The following TBL1XR1 variants were observed in gnomAD, a reference collection of about 807,000 sequenced individuals.
TBL1XR1 encodes TBL1X/Y related 1.
A neutral mutation model predicts 66.9 loss-of-function variants in TBL1XR1; 5 were observed. The observed-to-expected ratio is 0.07, with a 90% CI of 0.04 to 0.16. The LOEUF (loss-of-function observed/expected upper bound fraction) is 0.16. TBL1XR1 is among the 10% of genes least tolerant of loss of function. The probability of loss-of-function intolerance (pLI) is 1.00; values close to 1 mark genes in which losing one functional copy is unlikely to be tolerated. For synonymous variants in TBL1XR1, 210 were observed against 206.0 expected, an observed-to-expected ratio of 1.02 and a Z score of -0.17; for missense variants, 238 against 623.2, an observed-to-expected ratio of 0.38 and a Z score of 6.58.
chr3:177,200,417 T>C (rs1737318037), upstream of TBL1XR1, among the ~76,000 whole-genome samples: 1 of 152,178 alleles, frequency 6.6e-6, no homozygotes, highest in Non-Finnish European at 1.5e-5. Flanking sequence ...GAAACAACAG[T>C]GTGGCTTCAA....
At chr3:177,201,566 A>G (rs1403417847), upstream of TBL1XR1, among the ~76,000 whole-genome samples, 3 of 152,190 alleles carry the variant, frequency 2.0e-5, no homozygotes, top group East Asian at 5.8e-4. Flanking sequence ...CTTCAATCCC[A>G]GGACTACAGG....
chr3:177,155,723 A>T (rs953268214), intron 1 of TBL1XR1, among the ~76,000 whole-genome samples: 3 of 152,362 alleles, frequency 2.0e-5, no homozygotes, highest in Non-Finnish European at 4.4e-5. Flanking sequence ...CACAAAAATT[A>T]TATCAGTTTT....
rs1169580429 is a variant in TBL1XR1, at chr3:177,110,714, G to T, written c.-121-12173C>A. 3 of 152,266 alleles carry T rather than the reference G, an allele frequency of 2.0e-5. No individual in the cohort carries two copies. The South Asian group carries it at 6.2e-4, about 32-fold the overall frequency. 9.4% of individuals were successfully genotyped at this position (152,266 alleles called of 1,614,324 possible). ...AAAACACAATTCTAGATATGAATAA[G>T]AATTAAATGAGATGAGAGGAAGGAG... On this transcript the variant is annotated intron_variant, in intron 1 of 15. Coordinates refer to ENST00000457928, the MANE Select transcript of TBL1XR1 (RefSeq NM_024665.7).
intron 2 of TBL1XR1, among the ~76,000 whole-genome samples, chr3:177,093,630 G>A (rs1723103472): frequency 6.6e-6 from 1 of 152,116 alleles, no homozygotes; most frequent in Admixed American, 6.6e-5. Context: ...TAGGCACATA[G>A]GCCAATGGAA....
chr3:177,101,453 A>G (rs1368625032), intron 1 of TBL1XR1, among the ~76,000 whole-genome samples: 1 of 152,202 alleles, frequency 6.6e-6, no homozygotes, highest in Non-Finnish European at 1.5e-5. Context: ...CCCCAAATTC[A>G]TATGTTGATG....
intron 1 of TBL1XR1, among the ~76,000 whole-genome samples, chr3:177,160,392 C>T (rs1019503505): frequency 6.6e-6 from 1 of 151,120 alleles, no homozygotes; most frequent in Non-Finnish European, 1.5e-5. Context: ...GAGAATGGCG[C>T]GAACCCGGGA....
At position 177,022,997 on chromosome 3, in the gene TBL1XR1, C is replaced by T. The variant is rs1405993533; in HGVS notation, c.*2501G>A. 6.6e-6 allele frequency: 1 copy of T among 150,564 alleles called. No homozygotes were observed. Among genetic ancestry groups the T allele is most frequent in the Non-Finnish European group, 1.5e-5 (1 of 67,692 alleles). 9.3% of individuals were successfully genotyped at this position (150,564 alleles called of 1,614,324 possible). On this transcript the variant is annotated 3_prime_UTR_variant, in exon 16 of 16. Coordinates refer to ENST00000457928, the MANE Select transcript of TBL1XR1 (RefSeq NM_024665.7). ...TATATGTCCTATTGTGGCTATTATGCTTAAGTAAAATAGCTAAAGAAAAAA... is the reference window on the plus strand; with the variant it reads ...TATATGTCCTATTGTGGCTATTATGTTTAAGTAAAATAGCTAAAGAAAAAA...
chr3:177,106,651 A>C (rs1724928211), intron 1 of TBL1XR1, among the ~76,000 whole-genome samples: 1 of 152,206 alleles, frequency 6.6e-6, no homozygotes, highest in Non-Finnish European at 1.5e-5. Flanking sequence ...AAAAGTGCTA[A>C]TCAGTGCCTA....
intron 12 of TBL1XR1, among the ~76,000 whole-genome samples, chr3:177,034,647 A>G (rs1310037159): frequency 2.0e-5 from 3 of 152,106 alleles, no homozygotes; most frequent in Non-Finnish European, 4.4e-5. Context: ...CTGTCCCTTA[A>G]GCAAAAGATC....
chr3:177,146,260 A>G (rs1577306637), intron 1 of TBL1XR1, among the ~76,000 whole-genome samples: 2 of 151,924 alleles, frequency 1.3e-5, no homozygotes, highest in African/African-American at 4.8e-5. Context: ...GCCTCAGGTT[A>G]AGTCAGTTTT....
chr3:177,140,772 T>C (rs1006958903), intron 1 of TBL1XR1, among the ~76,000 whole-genome samples: 5 of 152,222 alleles, frequency 3.3e-5, no homozygotes, highest in Non-Finnish European at 1.5e-5. Flanking sequence ...ATAACAGTAA[T>C]TGTTTTTCAA....
intron 4 of TBL1XR1, among the ~76,000 whole-genome samples, chr3:177,052,792 C>T (rs1717271992): frequency 6.6e-6 from 1 of 152,108 alleles, no homozygotes; most frequent in Admixed American, 6.6e-5. Flanking sequence ...ATGGGAAAAG[C>T]TCCTCACTAT....
intron 1 of TBL1XR1, among the ~76,000 whole-genome samples, chr3:177,174,498 A>G (rs1322762682): frequency 1.3e-5 from 2 of 150,390 alleles, no homozygotes; most frequent in African/African-American, 4.9e-5. Context: ...CTCCTGCTTT[A>G]GCTTTTGTCC....
Position 177,130,014 on chromosome 3 carries a change from G to A in TBL1XR1, c.-121-31473C>T, listed in dbSNP as rs140840916. 2.0e-3 allele frequency among the ~76,000 whole-genome samples: 298 copies of A among 152,014 alleles called. 1 individual carries two copies. The highest frequency in any genetic ancestry group is 6.8e-3 in the African/African-American group (282 of 41,478). ...ACAACAATTAGCTGGGCGTAGTGGC[G>A]TGCGCCTGTAGTCCAAGCTACTCAG... On this transcript the variant is annotated intron_variant, in intron 1 of 15. Transcript: ENST00000457928.
At chr3:177,157,495 T>A (rs561685433) in intron 1 of TBL1XR1, among the ~76,000 whole-genome samples, 5 of 152,156 alleles carry the variant, frequency 3.3e-5, no homozygotes, top group Admixed American at 1.3e-4. Flanking sequence ...AATAGCACAT[T>A]TGTACTCAAT....
At chr3:177,165,578 C>G (rs13098194) in intron 1 of TBL1XR1, among the ~76,000 whole-genome samples, 75,761 of 151,936 alleles carry the variant, frequency 0.5, 19,714 homozygotes, top group Non-Finnish European at 0.57. Flanking sequence ...TAAAAAGCTA[C>G]AGTTATCAAG....
Position 177,051,477 on chromosome 3 carries a change from TA to T in TBL1XR1, c.427+26del, listed in dbSNP as rs544807432. 3.9e-4 allele frequency: 601 copies of T among 1,546,944 alleles called. 5 individuals are homozygous for T. In the South Asian group the frequency reaches 5.0e-3, roughly 13 times the overall value. ...AAAATAAATAAATAAACCATGTAAT[TA>T]AAAAAAAATTCTTGTCTGAGCTCAC... is the stretch of plus-strand genomic sequence containing the variant. On this transcript the variant is annotated intron_variant, in intron 5 of 15. Coordinates refer to ENST00000457928, the MANE Select transcript of TBL1XR1 (RefSeq NM_024665.7).
At chr3:177,169,579 C>T (rs1289210816) in intron 1 of TBL1XR1, among the ~76,000 whole-genome samples, 1 of 152,218 alleles carries the variant, frequency 6.6e-6, no homozygotes, top group African/African-American at 2.4e-5. Context: ...TACAAAACCA[C>T]TGTTATAACT....
At chr3:177,090,233 C>T (rs1279364367) in intron 2 of TBL1XR1, among the ~76,000 whole-genome samples, 2 of 151,846 alleles carry the variant, frequency 1.3e-5, no homozygotes, top group African/African-American at 4.8e-5. Flanking sequence ...GCAAGATAAA[C>T]CAAAAATAGT....
Sources: allele counts gnomAD v4.1 joint callset (sites outside exome capture counted in the v4.1 genomes callset), GRCh38; gene constraint gnomAD v4.1.1; transcripts MANE v1.5; gene names NCBI Gene and HGNC (gene_info 2026-07-23, HGNC 2026-07-21).